Variants in PKP4 observed in about 807,000 individuals in gnomAD.
PKP4 encodes plakophilin 4, also known as plakophilin-4.
A neutral mutation model predicts 145.1 loss-of-function variants in PKP4; 90 were observed. That is an observed-to-expected ratio of 0.62 (90% CI 0.52 to 0.74). The LOEUF is 0.74. Among genes scored for constraint, PKP4 ranks in the 30% least tolerant of loss-of-function variants. The probability of loss-of-function intolerance (pLI) is 0.00; values close to 1 mark genes in which losing one functional copy is unlikely to be tolerated. For synonymous variants in PKP4, 563 were observed against 577.2 expected, an observed-to-expected ratio of 0.98 and a Z score of 0.35; for missense variants, 1,340 against 1,482.7, an observed-to-expected ratio of 0.90 and a Z score of 1.58.
At chr2:158,628,225 C>T (rs570750247) in intron 7 of PKP4, among the ~76,000 whole-genome samples, 5 of 152,130 alleles carry the variant, frequency 3.3e-5, no homozygotes, top group South Asian at 2.1e-4. Flanking sequence ...GTGATCTGCC[C>T]GCCTCAGCCT....
At chr2:158,528,942 C>G (rs2043245912) in intron 1 of PKP4, among the ~76,000 whole-genome samples, 1 of 152,190 alleles carries the variant, frequency 6.6e-6, no homozygotes, top group African/African-American at 2.4e-5. Context: ...TCCTGAGGAA[C>G]ATTCACATCT....
intron 4 of PKP4, among the ~76,000 whole-genome samples, chr2:158,620,415 A>T (rs1558897522): frequency 6.6e-6 from 1 of 152,188 alleles, no homozygotes; most frequent in Non-Finnish European, 1.5e-5. Context: ...GTTAGGTTAG[A>T]CTTGCCTATA....
At chr2:158,578,503 CGTTAA>C (rs915900572) in intron 3 of PKP4, among the ~76,000 whole-genome samples, 2 of 67,704 alleles carry the variant, frequency 3.0e-5, no homozygotes, top group African/African-American at 7.1e-5. Context: ...TGAAATAATT[CGTTAA>C]GTTAAAACTG....
chr2:158,601,999 A>G (rs756476311), intron 3 of PKP4, among the ~76,000 whole-genome samples: 2 of 152,218 alleles, frequency 1.3e-5, no homozygotes, highest in African/African-American at 2.4e-5. Flanking sequence ...ACTCAAAAAA[A>G]TACCATGAAT....
chr2:158,561,427 G>A (rs545615490), intron 2 of PKP4, among the ~76,000 whole-genome samples: 67 of 152,334 alleles, frequency 4.4e-4, no homozygotes, highest in African/African-American at 1.6e-3. Context: ...AATGCAGATG[G>A]TGTTGCCTTG....
chr2:158,550,890 T>C (rs1040205274), intron 2 of PKP4, among the ~76,000 whole-genome samples: 1 of 152,210 alleles, frequency 6.6e-6, no homozygotes, highest in Non-Finnish European at 1.5e-5. Context: ...CTTCCGGGAA[T>C]TTACAACCTA....
chr2:158,661,286 G>GAGT, intron 12 of PKP4, 47 bp from the exon 13 acceptor site: 1 of 1,359,140 alleles, frequency 7.4e-7, no homozygotes, highest in South Asian at 1.2e-5. Context: ...CGTGGCTGAT[G>GAGT]AGTGCATGGT....
intron 1 of PKP4, among the ~76,000 whole-genome samples, chr2:158,475,550 T>C (rs1692333389): frequency 6.6e-6 from 1 of 152,234 alleles, no homozygotes; most frequent in Admixed American, 6.5e-5. Context: ...TCTACTGCAA[T>C]ATTCTAGAAT....
chr2:158,469,133 A>G (rs958255151), intron 1 of PKP4, among the ~76,000 whole-genome samples: 12 of 151,040 alleles, frequency 7.9e-5, no homozygotes, highest in South Asian at 2.1e-4. Context: ...TCTATTGCCC[A>G]GGCTGGAGGG....
chr2:158,560,879 G>A lies in PKP4; in HGVS notation c.133-16392G>A, dbSNP rs115812882. Among the ~76,000 whole-genome samples, 801 of 152,266 alleles carry A rather than the reference G, an allele frequency of 5.3e-3. 10 individuals carry two copies. The highest frequency in any genetic ancestry group is 0.019 in the African/African-American group (779 of 41,556). Reference sequence around the variant, plus strand: ...TAGTAAGTGACAGAGCCTAGCGTCAGATCCAAGTTGATACCAAAATCCTAT... The same window carrying A: ...TAGTAAGTGACAGAGCCTAGCGTCAAATCCAAGTTGATACCAAAATCCTAT... On this transcript the variant is annotated intron_variant, in intron 2 of 21. Transcript: ENST00000389759.
chr2:158,505,503 G>C (rs1013269936), intron 1 of PKP4, among the ~76,000 whole-genome samples: 14 of 152,188 alleles, frequency 9.2e-5, no homozygotes, highest in Admixed American at 6.5e-5. Context: ...TGTGCTGCCT[G>C]CTGACAGCTG....
Position 158,661,374 on chromosome 2 carries a change from G to A in PKP4, c.2135G>A (p.Arg712Gln), listed in dbSNP as rs763235503. ...GGGGAAGAAGCTCGGAAGCAAATGC[G>A]GTCCTGCGAGGGGCTGGTAGACTCA... is the stretch of plus-strand genomic sequence containing the variant. Reference protein sequence around the residue: ...SAGEEARKQMRSCEGLVDSLL... With the variant: ...SAGEEARKQMQSCEGLVDSLL... Residue 712 changes from arginine (R) to glutamine (Q), a missense_variant, in exon 13 of 22, where the codon CGG becomes CAG. Transcript: ENST00000389759. 6 of 1,613,718 alleles carry A rather than the reference G, an allele frequency of 3.7e-6. No homozygotes were observed. Among genetic ancestry groups the A allele is most frequent in the East Asian group, 2.2e-5 (1 of 44,878 alleles).
intron 1 of PKP4, among the ~76,000 whole-genome samples, chr2:158,478,725 T>C (rs1692895901): frequency 6.6e-6 from 1 of 152,238 alleles, no homozygotes; most frequent in South Asian, 2.1e-4. Flanking sequence ...CTAATGATAA[T>C]TAAACTTTTT....
intron 9 of PKP4, among the ~76,000 whole-genome samples, chr2:158,635,091 ACT>A (rs2053696927): frequency 6.6e-6 from 1 of 152,146 alleles, no homozygotes; most frequent in South Asian, 2.1e-4. Context: ...GATTTCATTC[ACT>A]CTTCGCCCAC....
chr2:158,533,747 A>G (rs2043792355), intron 2 of PKP4, among the ~76,000 whole-genome samples: 1 of 152,146 alleles, frequency 6.6e-6, no homozygotes, highest in African/African-American at 2.4e-5. Flanking sequence ...TAAAGGCTAT[A>G]TTTGTGTGTT....
At chr2:158,474,856 G>A (rs1338722200) in intron 1 of PKP4, among the ~76,000 whole-genome samples, 1 of 152,146 alleles carries the variant, frequency 6.6e-6, no homozygotes, top group Non-Finnish European at 1.5e-5. Flanking sequence ...GCCCTCAAGA[G>A]GTATGAATTC....
At chr2:158,676,610 ATT>A (rs2058032686) in intron 19 of PKP4, 127 bp from the exon 20 acceptor site, 3 of 1,127,764 alleles carry the variant, frequency 2.7e-6, no homozygotes, top group Non-Finnish European at 3.9e-6. Context: ...CCTCTGAGAT[ATT>A]TTCAGCACCA....
chr2:158,679,225 C>T (rs1399167884), intron 21 of PKP4: 1 of 157,694 alleles, frequency 6.3e-6, no homozygotes. Flanking sequence ...GAAGGGCCTG[C>T]AGTCAGTCTC....
At chr2:158,566,870 A>G (rs1042310255) in intron 2 of PKP4, among the ~76,000 whole-genome samples, 14 of 152,194 alleles carry the variant, frequency 9.2e-5, no homozygotes, top group Non-Finnish European at 1.8e-4. Context: ...CATCCTATCT[A>G]TACATTCTAC....
Sources: gnomAD v4.1 joint callset for allele counts (sites outside exome capture counted in the v4.1 genomes callset) on GRCh38, gnomAD v4.1.1 for gene constraint, MANE v1.5 for transcripts, NCBI Gene and HGNC (gene_info 2026-07-23, HGNC 2026-07-21) for gene names.